The following PDE4B variants were observed in gnomAD, a reference collection of about 807,000 sequenced individuals.
PDE4B encodes phosphodiesterase 4B, also known as 3',5'-cyclic-AMP phosphodiesterase 4B.
In PDE4B, 20 loss-of-function variants were observed where a neutral mutation model predicts 82.2. The ratio of observed to expected loss-of-function variants is 0.24; its 90% CI spans 0.17 to 0.35. The LOEUF (loss-of-function observed/expected upper bound fraction) is 0.35. Ranked by LOEUF, PDE4B falls within the 10% of genes least tolerant of loss-of-function variation. PDE4B has a pLI of 1.00. For missense variants in PDE4B, 655 were observed against 907.2 expected (o/e 0.72, Z 3.57); for synonymous variants, 320 against 318.9 (o/e 1.00, Z -0.04).
chr1:66,039,697 A>T (rs1654261087), intron 3 of PDE4B, among the ~76,000 whole-genome samples: 1 of 152,034 alleles, frequency 6.6e-6, no homozygotes, highest in African/African-American at 2.4e-5. Context: ...GAAATGTCAT[A>T]CAGTCACTGA....
rs140305161 is a variant in PDE4B, at chr1:66,066,866, C to G, written c.281+148031C>G. Among the ~76,000 whole-genome samples, 294 of 152,046 alleles carry G rather than the reference C, an allele frequency of 1.9e-3. 1 individual carries two copies. The highest frequency in any genetic ancestry group is 6.8e-3 in the African/African-American group (281 of 41,530). On this transcript the variant is annotated intron_variant, in intron 3 of 16. Transcript: ENST00000341517. ...AGGTATGTTACTTGATCTTCTTAGA[C>G]TTAGTTCTCATATATGTAGAATATT...
intron 3 of PDE4B, among the ~76,000 whole-genome samples, chr1:65,955,893 C>G (rs1649234072): frequency 6.6e-6 from 1 of 152,012 alleles, no homozygotes; most frequent in Non-Finnish European, 1.5e-5. Context: ...ATATTAGGAG[C>G]TGAAATATGG....
rs1469226093 is a variant in PDE4B at position 65,884,052 on chromosome 1, G to T, written c.-70-29193G>T. 5.3e-5 allele frequency among the ~76,000 whole-genome samples: 8 copies of T among 152,150 alleles called. 1 individual carries two copies. The highest frequency in any genetic ancestry group is 1.9e-4 in the East Asian group (1 of 5,172). On this transcript the variant is annotated intron_variant, in intron 1 of 16. Transcript: ENST00000341517. ...AGCTTTTTGATGTGCTGCTGGATTTGGTTTGCCAGTATTTTATTGAGGATT... is the reference window on the plus strand; with the variant it reads ...AGCTTTTTGATGTGCTGCTGGATTTTGTTTGCCAGTATTTTATTGAGGATT...
chr1:66,281,917 G>A lies in PDE4B; in HGVS notation c.634+15830G>A, dbSNP rs1199007746. On this transcript the variant is annotated intron_variant, in intron 7 of 16. Transcript: ENST00000341517. ...CTTGTAACAGACAGACCTAGGATCGGAACCATAAAGACACTCAGCTAGTAA... is the reference window on the plus strand; with the variant it reads ...CTTGTAACAGACAGACCTAGGATCGAAACCATAAAGACACTCAGCTAGTAA... Among the ~76,000 whole-genome samples, 5 of 152,138 alleles carry A rather than the reference G, an allele frequency of 3.3e-5. No homozygotes were observed. In the East Asian group the frequency reaches 7.7e-4, roughly 23 times the overall value.
At chr1:66,148,906 G>A (rs1042446887) in intron 3 of PDE4B, among the ~76,000 whole-genome samples, 2 of 152,190 alleles carry the variant, frequency 1.3e-5, no homozygotes, top group East Asian at 3.8e-4. Flanking sequence ...CCACTCATCA[G>A]TTGATGAACA....
At chr1:65,809,961 A>G (rs1645801191) in intron 1 of PDE4B, among the ~76,000 whole-genome samples, 1 of 152,240 alleles carries the variant, frequency 6.6e-6, no homozygotes, top group Non-Finnish European at 1.5e-5. Context: ...AAATGCAGTT[A>G]AATTTGTAGT....
intron 3 of PDE4B, chr1:66,152,608 A>T (rs1378936764): frequency 1.4e-5 from 2 of 146,412 alleles, no homozygotes; most frequent in Non-Finnish European, 2.8e-5. Flanking sequence ...GTGTGTATAC[A>T]CATATATATA....
At chr1:66,193,304 T>C (rs980519160) in intron 3 of PDE4B, among the ~76,000 whole-genome samples, 2 of 152,174 alleles carry the variant, frequency 1.3e-5, no homozygotes, top group African/African-American at 4.8e-5. Context: ...GGAGCCAAAA[T>C]ACTTGAATTC....
intron 3 of PDE4B, among the ~76,000 whole-genome samples, chr1:66,075,670 T>A (rs1010260667): frequency 1.2e-4 from 18 of 151,838 alleles, no homozygotes; most frequent in Non-Finnish European, 1.9e-4. Flanking sequence ...TCACAAGGAG[T>A]TGTGCAATTG....
chr1:65,877,659 T>G (rs1646662081), intron 1 of PDE4B, among the ~76,000 whole-genome samples: 2 of 149,234 alleles, frequency 1.3e-5, no homozygotes, highest in African/African-American at 2.5e-5. Context: ...AAATAAATAG[T>G]GCTGGGAAAA....
At chr1:65,822,916 A>G (rs775519577) in intron 1 of PDE4B, among the ~76,000 whole-genome samples, 3 of 152,190 alleles carry the variant, frequency 2.0e-5, no homozygotes, top group Non-Finnish European at 2.9e-5. Context: ...ACATACTAAG[A>G]CACTGCTCAA....
At chr1:66,275,700 G>A (rs918921213) in intron 7 of PDE4B, among the ~76,000 whole-genome samples, 2 of 152,050 alleles carry the variant, frequency 1.3e-5, no homozygotes, top group African/African-American at 4.8e-5. Context: ...TCAACCCCGA[G>A]CCAGCACATT....
chr1:66,128,109 T>C (rs567749811), intron 3 of PDE4B, among the ~76,000 whole-genome samples: 1 of 152,350 alleles, frequency 6.6e-6, no homozygotes, highest in East Asian at 1.9e-4. Flanking sequence ...TATTTTAACA[T>C]AGGTAGATTC....
At chr1:66,168,914 C>A (rs959609796) in intron 3 of PDE4B, among the ~76,000 whole-genome samples, 3 of 152,036 alleles carry the variant, frequency 2.0e-5, no homozygotes, top group Non-Finnish European at 4.4e-5. Flanking sequence ...ATTGTGAGGT[C>A]AAGAAGATGA....
intron 1 of PDE4B, among the ~76,000 whole-genome samples, chr1:65,795,331 T>C (rs1213673541): frequency 1.3e-5 from 2 of 152,234 alleles, no homozygotes; most frequent in African/African-American, 2.4e-5. Flanking sequence ...AGTAATTTAT[T>C]ATCATGTCAT....
chr1:65,870,466 T>G (rs987247754), intron 1 of PDE4B, among the ~76,000 whole-genome samples: 3 of 152,170 alleles, frequency 2.0e-5, no homozygotes, highest in Non-Finnish European at 4.4e-5. Flanking sequence ...AAAATTACTT[T>G]CTGCTTAACA....
chr1:65,967,981 A>T (rs1354013698), intron 3 of PDE4B, among the ~76,000 whole-genome samples: 1 of 152,174 alleles, frequency 6.6e-6, no homozygotes, highest in Admixed American at 6.6e-5. Flanking sequence ...ACAAACCTGC[A>T]TGTTCTGAAC....
chr1:66,177,491 T>A (rs1196337660), intron 3 of PDE4B, among the ~76,000 whole-genome samples: 3 of 152,206 alleles, frequency 2.0e-5, no homozygotes, highest in African/African-American at 7.2e-5. Context: ...CTGACAAGCG[T>A]TGGTCTTTGA....
chr1:66,359,001 TTGCTGG>T (rs1352177839), intron 9 of PDE4B, among the ~76,000 whole-genome samples: 2 of 152,094 alleles, frequency 1.3e-5, no homozygotes, highest in Non-Finnish European at 2.9e-5. Context: ...GGGCTCCAGG[TTGCTGG>T]TGCAAGGGGA....
Sources: gnomAD v4.1 joint callset for allele counts (sites outside exome capture counted in the v4.1 genomes callset) on GRCh38, gnomAD v4.1.1 for gene constraint, MANE v1.5 for transcripts, NCBI Gene and HGNC (gene_info 2026-07-23, HGNC 2026-07-21) for gene names.